The following SATB2 variants were observed in gnomAD, a reference collection of about 807,000 sequenced individuals.
SATB2 encodes DNA-binding protein SATB2.
A neutral mutation model predicts 73.4 loss-of-function variants in SATB2; 1 was observed. That is an observed-to-expected ratio of 0.01 (90% confidence interval 0.00 to 0.06). SATB2 has a LOEUF of 0.06. Ranked by LOEUF, SATB2 falls within the 10% of genes least tolerant of loss-of-function variation. SATB2 has a pLI of 1.00. For missense variants in SATB2, 459 were observed against 945.8 expected (o/e 0.49, Z 6.75); for synonymous variants, 397 against 367.0 (o/e 1.08, Z -0.93).
At chr2:199,338,178 A>G (rs1213397741) in intron 7 of SATB2, among the ~76,000 whole-genome samples, 1 of 152,022 alleles carries the variant, frequency 6.6e-6, no homozygotes, top group Non-Finnish European at 1.5e-5. Flanking sequence ...AGCCTGGCCA[A>G]CATGAGGAAA....
intron 7 of SATB2, among the ~76,000 whole-genome samples, chr2:199,346,230 C>CCCT (rs1188430085): frequency 2.0e-5 from 3 of 151,252 alleles, no homozygotes; most frequent in Non-Finnish European, 2.9e-5. Flanking sequence ...GCTCACTGCA[C>CCCT]CCTCCACCTC....
intron 6 of SATB2, among the ~76,000 whole-genome samples, chr2:199,363,797 A>G (rs1689206566): frequency 6.6e-6 from 1 of 152,226 alleles, no homozygotes; most frequent in Admixed American, 6.5e-5. Flanking sequence ...TATGTATACA[A>G]TATTCAAAGG....
chr2:199,339,840 A>C (rs1234221152), intron 7 of SATB2, among the ~76,000 whole-genome samples: 2 of 152,168 alleles, frequency 1.3e-5, no homozygotes, highest in South Asian at 2.1e-4. Context: ...AGAAGTTTCT[A>C]CTCCAAAAAA....
rs184444739 is a variant in SATB2 at position 199,284,415 on chromosome 2, C to G, written c.1741-11743G>C. ...GCAACTAACCATTAAGAAACTACCA[C>G]TTGTAGAATGTTGCTCTAGTATCAA... On this transcript the variant is annotated intron_variant, in intron 10 of 10. Coordinates refer to ENST00000417098, the MANE Select transcript of SATB2 (RefSeq NM_001172509.2). Among the ~76,000 whole-genome samples, 86 of 152,286 alleles carry G rather than the reference C, an allele frequency of 5.6e-4. 2 individuals carry two copies. The highest frequency in any genetic ancestry group is 1.7e-3 in the African/African-American group (71 of 41,578).
chr2:199,379,688 T>C (rs866567700), intron 5 of SATB2, among the ~76,000 whole-genome samples: 1,767 of 148,558 alleles, frequency 0.012, 19 homozygotes, highest in Middle Eastern at 0.021. Context: ...TTTTCTTTTT[T>C]TTTTTTTTTT....
chr2:199,328,669 G>C lies in SATB2; in HGVS notation c.1386+29C>G, dbSNP rs371022615. ...AGGCAAGATGTTTCCAAGACAAAGA[G>C]TGAAAAATACGGAAAGCAAGTTTCT... On this transcript the variant is annotated intron_variant, in intron 8 of 10. Transcript: ENST00000417098. The C allele has an allele frequency of 5.8e-5, 91 of 1,576,184 alleles. No individual in the cohort carries two copies. The Middle Eastern group carries it at 1.6e-3, about 27-fold the overall frequency.
intron 9 of SATB2, among the ~76,000 whole-genome samples, chr2:199,319,181 TA>T (rs1031409302): frequency 9.2e-5 from 14 of 152,154 alleles, no homozygotes; most frequent in African/African-American, 3.4e-4. Flanking sequence ...CCATCTCTTT[TA>T]GCTACAATGG....
chr2:199,285,723 TAA>T (rs1181463813), intron 10 of SATB2, among the ~76,000 whole-genome samples: 1 of 137,514 alleles, frequency 7.3e-6, no homozygotes. Flanking sequence ...GAGAGGGATT[TAA>T]AAAAAAAAAG....
At chr2:199,337,549 A>G (rs12614117) in intron 7 of SATB2, among the ~76,000 whole-genome samples, 19,404 of 152,178 alleles carry the variant, frequency 0.13, 1,471 homozygotes, top group South Asian at 0.32. Context: ...TTAGAAACAT[A>G]CAGATAGGGA....
At chr2:199,397,895 A>C (rs915616531) in intron 3 of SATB2, 58 of 285,860 alleles carry the variant, frequency 2.0e-4, no homozygotes, top group African/African-American at 1.3e-3. Context: ...AAACAGAAAG[A>C]TATTTGAAAG....
chr2:199,281,496 A>ACACACAC (rs1559140431), intron 10 of SATB2, among the ~76,000 whole-genome samples: 1 of 51,858 alleles, frequency 1.9e-5, no homozygotes, highest in Non-Finnish European at 5.0e-5. Flanking sequence ...CACACACACA[A>ACACACAC]TTTTTTTTTA....
chr2:199,465,244 G>C (rs1327975300), upstream of SATB2: 2 of 152,170 alleles, frequency 1.3e-5, no homozygotes. Flanking sequence ...TTGTAGCTTT[G>C]AGTGAAGAGT....
At chr2:199,454,634 T>C (rs529301348) in intron 2 of SATB2, among the ~76,000 whole-genome samples, 1 of 152,294 alleles carries the variant, frequency 6.6e-6, no homozygotes, top group South Asian at 2.1e-4. Context: ...ATTGAAAGGA[T>C]GAATACTTCT....
At chr2:199,428,019 T>C (rs938369119) in intron 3 of SATB2, among the ~76,000 whole-genome samples, 2 of 152,142 alleles carry the variant, frequency 1.3e-5, no homozygotes, top group Admixed American at 1.3e-4. Context: ...AGTTCATAGA[T>C]GGAAATTCTG....
chr2:199,458,551 AG>A, upstream of SATB2: 1 of 357,076 alleles, frequency 2.8e-6, no homozygotes, highest in East Asian at 1.2e-4. Context: ...TGGCGGGTCC[AG>A]GGCGCGGCCG....
chr2:199,392,534 T>C (rs1433158274), intron 3 of SATB2, among the ~76,000 whole-genome samples: 2 of 152,192 alleles, frequency 1.3e-5, no homozygotes, highest in Non-Finnish European at 2.9e-5. Flanking sequence ...CTAACAACTC[T>C]GGCTACAGCC....
chr2:199,297,054 T>G (rs1365312862), intron 10 of SATB2, among the ~76,000 whole-genome samples: 1 of 152,244 alleles, frequency 6.6e-6, no homozygotes, highest in East Asian at 1.9e-4. Flanking sequence ...ACTTCAAAGT[T>G]TATAATCAGA....
chr2:199,391,626 A>G (rs1233982024), intron 3 of SATB2, among the ~76,000 whole-genome samples: 1 of 152,122 alleles, frequency 6.6e-6, no homozygotes, highest in Non-Finnish European at 1.5e-5. Context: ...TCATATTTAA[A>G]GGCTGTAAAC....
rs1315104694 is a variant in SATB2, at chr2:199,470,771, C to A, written c.-141+243G>T. 2.0e-5 allele frequency: 3 copies of A among 152,398 alleles called. No individual in the cohort carries two copies. The East Asian group carries it at 5.6e-4, about 29-fold the overall frequency. The allele number at this position is 152,398 out of a possible 1,614,324, so 9.4% of individuals were successfully genotyped here. A position where few individuals can be genotyped will look rare whatever the true frequency, so the allele number is the denominator to read the frequency against. On this transcript the variant is annotated intron_variant, in intron 1 of 11. Transcript: ENST00000457245. The stretch of plus-strand genomic sequence containing the variant: ...TGGCAGAACTGATGACTGCTTGGGC[C>A]CAGCGGAGTGCGCATTGCGCTAACA...
Sources: gnomAD v4.1 joint callset for allele counts (sites outside exome capture counted in the v4.1 genomes callset) on GRCh38, gnomAD v4.1.1 for gene constraint, MANE v1.5 for transcripts, NCBI Gene and HGNC (gene_info 2026-07-23, HGNC 2026-07-21) for gene names.